The following HUWE1 variants were observed in gnomAD, a reference collection of about 807,000 sequenced individuals.
The protein encoded by HUWE1 is E3 ubiquitin-protein ligase HUWE1.
Under a neutral mutation model 299.4 loss-of-function variants are expected in HUWE1, and 18 were observed. The ratio of observed to expected loss-of-function variants is 0.06; its 90% confidence interval spans 0.04 to 0.09. The LOEUF (loss-of-function observed/expected upper bound fraction) is 0.09. HUWE1 is among the 10% of genes least tolerant of loss of function. The pLI is 1.00. For synonymous variants in HUWE1, 1,317 were observed against 1,286.1 expected (o/e 1.02, Z -0.51); for missense variants, 1,832 against 3,462.3 (o/e 0.53, Z 11.82).
chrX:53,569,871 T>C lies in HUWE1; in HGVS notation c.6313-44A>G, dbSNP rs371832200. 1,671 of 1,074,134 alleles carry C rather than the reference T, an allele frequency of 1.6e-3. No individual in the cohort carries two copies. The highest frequency in any genetic ancestry group is 2.0e-3 in the Non-Finnish European group (1,553 of 774,218). 88.5% of individuals were successfully genotyped at this position (1,074,134 alleles called of 1,213,427 possible). A position where few individuals can be genotyped will look rare whatever the true frequency, so the allele number is the denominator to read the frequency against. On this transcript the variant is annotated intron_variant, in intron 47 of 83. Coordinates refer to ENST00000262854, the MANE Select transcript of HUWE1 (RefSeq NM_031407.7). ...CGACATTTACTTACAAGCACAATTA[T>C]GCCATATCATTTGCACAGGACCAAA...
At chrX:53,566,858 T>C (rs1435682023) in intron 49 of HUWE1, among the ~76,000 whole-genome samples, 5 of 110,840 alleles carry the variant, frequency 4.5e-5, no homozygotes, top group African/African-American at 1.6e-4. Flanking sequence ...TACATCAATG[T>C]AGACTGTGAG....
intron 51 of HUWE1, 121 bp from the exon 52 acceptor site, chrX:53,563,942 T>C: frequency 1.2e-6 from 1 of 804,759 alleles, no homozygotes; most frequent in Non-Finnish European, 1.8e-6. Flanking sequence ...ACAGAGGATG[T>C]TACGTGAAAC....
At chrX:53,624,384 C>A (rs1015994659) in intron 19 of HUWE1, among the ~76,000 whole-genome samples, 2 of 112,155 alleles carry the variant, frequency 1.8e-5, no homozygotes, top group Non-Finnish European at 3.8e-5. Context: ...CTAATCCCAG[C>A]TACTCGGGAG....
Position 53,623,640 on chromosome X carries a change from A to G in HUWE1, c.1672+955T>C, listed in dbSNP as rs369988365. 3.6e-4 allele frequency among the ~76,000 whole-genome samples: 40 copies of G among 112,020 alleles called. No individual in the cohort carries two copies. The East Asian group carries it at 5.3e-3, about 15-fold the overall frequency. On this transcript the variant is annotated intron_variant, in intron 19 of 83. Coordinates refer to ENST00000262854, the MANE Select transcript of HUWE1 (RefSeq NM_031407.7). ...TGTATCAGAAATCTTTGCTAATGTC[A>G]TAAGACAAAAAAAAAGGCACAAAGA...
intron 47 of HUWE1, among the ~76,000 whole-genome samples, chrX:53,570,801 T>G (rs1321352920): frequency 3.6e-5 from 4 of 112,353 alleles, no homozygotes; most frequent in Non-Finnish European, 7.5e-5. Flanking sequence ...ACACTGCGAA[T>G]GTACTAAATG....
At chrX:53,578,744 G>A (rs1380293715) in intron 43 of HUWE1, among the ~76,000 whole-genome samples, 1 of 66,472 alleles carries the variant, frequency 1.5e-5, no homozygotes, top group Non-Finnish European at 2.9e-5. Flanking sequence ...CTGCCCGGCC[G>A]CCCCTACTGG....
chrX:53,597,880 T>C (rs781860503), intron 29 of HUWE1, among the ~76,000 whole-genome samples: 1 of 109,648 alleles, frequency 9.1e-6, no homozygotes, highest in African/African-American at 3.3e-5. Flanking sequence ...ATTACACCAC[T>C]GAAGATGCCA....
At chrX:53,679,104 G>A (rs966321172) in intron 3 of HUWE1, among the ~76,000 whole-genome samples, 2 of 111,036 alleles carry the variant, frequency 1.8e-5, no homozygotes, top group African/African-American at 3.3e-5. Context: ...CCACTACTGG[G>A]CTGTAATCCC....
intron 7 of HUWE1, 28 bp from the exon 8 acceptor site, chrX:53,634,326 G>A: frequency 8.8e-7 from 1 of 1,130,295 alleles, no homozygotes; most frequent in Non-Finnish European, 1.2e-6. Context: ...ATAGTGTTAA[G>A]ACAGTGCTTA....
At position 53,629,439 on chromosome X, in the gene HUWE1, C is replaced by G. The variant is rs181183946; in HGVS notation, c.963+77G>C. The G allele has an allele frequency of 1.2e-5, 8 of 684,411 alleles. No homozygotes were observed. The East Asian group carries it at 2.3e-4, about 19-fold the overall frequency. 56.4% of individuals were successfully genotyped at this position (684,411 alleles called of 1,213,427 possible). On this transcript the variant is annotated intron_variant, in intron 13 of 83. Coordinates refer to ENST00000262854, the MANE Select transcript of HUWE1 (RefSeq NM_031407.7). ...TATATGCAAATATCCCCTCCCCCCC[C>G]AAAAAAGTCTCAAATCCAAAATACT...
chrX:53,629,170 A>G (rs1282851857), intron 13 of HUWE1, among the ~76,000 whole-genome samples: 2 of 111,509 alleles, frequency 1.8e-5, no homozygotes, highest in African/African-American at 6.5e-5. Context: ...TACAGAGAAC[A>G]TTAATGCAGG....
At chrX:53,619,547 T>C (rs1399747651) in intron 19 of HUWE1, among the ~76,000 whole-genome samples, 3 of 82,508 alleles carry the variant, frequency 3.6e-5, no homozygotes, top group Non-Finnish European at 6.9e-5. Context: ...AAAAGGTAAT[T>C]AGGGTTTCCA....
intron 73 of HUWE1, chrX:53,542,997 AT>A (rs1461674743): frequency 8.4e-6 from 1 of 119,011 alleles, no homozygotes; most frequent in Non-Finnish European, 1.7e-5. Flanking sequence ...GAGCGGGATT[AT>A]TTAAAAAGCC....
intron 30 of HUWE1, 66 bp from the exon 31 acceptor site, chrX:53,594,687 T>C: frequency 1.8e-6 from 2 of 1,127,583 alleles, no homozygotes; most frequent in Middle Eastern, 2.5e-4. Context: ...AATAGGAAAT[T>C]CATGTAAAAG....
intron 70 of HUWE1, among the ~76,000 whole-genome samples, chrX:53,545,861 C>A (rs1386424638): frequency 1.8e-5 from 2 of 111,342 alleles, no homozygotes; most frequent in East Asian, 5.7e-4. Flanking sequence ...ACAGGGTAGA[C>A]AGACTCTATG....
chrX:53,574,807 G>A (rs1287630542), intron 46 of HUWE1, among the ~76,000 whole-genome samples: 1 of 111,965 alleles, frequency 8.9e-6, no homozygotes, highest in African/African-American at 3.3e-5. Flanking sequence ...CTGGAAGACA[G>A]GCATCCACCA....
chrX:53,679,583 A>G (rs2070022915), intron 3 of HUWE1, among the ~76,000 whole-genome samples: 1 of 111,631 alleles, frequency 9.0e-6, no homozygotes, highest in African/African-American at 3.3e-5. Flanking sequence ...TGAGCCCAGG[A>G]GTTTGTGACC....
At position 53,559,539 on chromosome X, in the gene HUWE1, G is replaced by A; in HGVS notation, c.7737-7C>T. On this transcript the variant is annotated splice_polypyrimidine_tract_variant and splice_region_variant and intron_variant, in intron 56 of 83. Transcript: ENST00000262854. ...AGCTGAGGGACCAAGCAACCTGTAG[G>A]GTAATGGTGGGTACCATGATCACTG... 2 of 1,203,075 alleles carry A rather than the reference G, an allele frequency of 1.7e-6. No homozygotes were observed. Among genetic ancestry groups the A allele is most frequent in the South Asian group, 3.6e-5 (2 of 56,099 alleles).
chrX:53,621,409 A>C lies in HUWE1; in HGVS notation c.1672+3186T>G, dbSNP rs146356547. ...AGCTTCCCTATCTGAAATTATTCTA[A>C]AACTCTTGTAGGCAAAGGGATACTG... On this transcript the variant is annotated intron_variant, in intron 19 of 83. Coordinates refer to ENST00000262854, the MANE Select transcript of HUWE1 (RefSeq NM_031407.7). 7.7e-3 allele frequency among the ~76,000 whole-genome samples: 839 copies of C among 108,905 alleles called. 9 individuals are homozygous for C. The highest frequency in any genetic ancestry group is 0.027 in the African/African-American group (807 of 29,858). 94.6% of individuals were successfully genotyped at this position (108,905 alleles called of 115,157 possible). A position where few individuals can be genotyped will look rare whatever the true frequency, so the allele number is the denominator to read the frequency against.
Sources: allele counts gnomAD v4.1 joint callset (sites outside exome capture counted in the v4.1 genomes callset), GRCh38; gene constraint gnomAD v4.1.1; transcripts MANE v1.5; gene names NCBI Gene and HGNC (gene_info 2026-07-23, HGNC 2026-07-21).